TTLL12: variants seen among roughly 807,000 people sequenced by gnomAD.
The protein encoded by TTLL12 is tubulin tyrosine ligase like 12, also known as tubulin--tyrosine ligase-like protein 12.
A neutral mutation model predicts 79.6 loss-of-function variants in TTLL12; 77 were observed. That is an observed-to-expected ratio of 0.97 (90% confidence interval 0.81 to 1.17). The LOEUF is 1.17. TTLL12 is among the 50% of genes most tolerant of loss of function. The probability of loss-of-function intolerance (pLI) is 0.00; values close to 1 mark genes in which losing one functional copy is unlikely to be tolerated. For missense variants in TTLL12, 969 were observed against 895.9 expected (o/e 1.08, Z -1.04); for synonymous variants, 437 against 376.1 (o/e 1.16, Z -1.87).
At chr22:43,179,590 C>G (rs372298286) in intron 5 of TTLL12, 29 bp downstream of exon 5, 203 of 1,533,430 alleles carry the variant, frequency 1.3e-4, no homozygotes, top group Non-Finnish European at 1.7e-4. Flanking sequence ...ACCAAGCAGA[C>G]AGGCCTGGTG....
In TTLL12 at chr22:43,186,939, A is replaced by AC; in HGVS notation, c.130dup (p.Val44GlyfsTer109). The AC allele has an allele frequency of 2.9e-6, 4 of 1,358,044 alleles. No homozygotes were observed. The highest frequency in any genetic ancestry group is 3.8e-6 in the Non-Finnish European group (4 of 1,053,988). 84.1% of individuals were successfully genotyped at this position (1,358,044 alleles called of 1,614,324 possible). On this transcript the variant is annotated frameshift_variant, in exon 1 of 14. Coordinates refer to ENST00000216129, the MANE Select transcript of TTLL12 (RefSeq NM_015140.4). LOFTEE classifies it high-confidence loss of function. ...GAGGCGGCCCCAGTAACGTTCGGGG[A>AC]CCCCCGAAGCGCGCAGCGCCGGGCC...
chr22:43,183,299 C>T (rs913407171), intron 1 of TTLL12, 150 bp from the exon 2 acceptor site: 4 of 954,550 alleles, frequency 4.2e-6, no homozygotes, highest in African/African-American at 1.6e-5. Flanking sequence ...TTAATGCAAC[C>T]ACACAGTCTT....
In TTLL12 at chr22:43,168,775, A is replaced by G. The variant is rs1056245930; in HGVS notation, c.1782T>C (p.Asp594=). The part of the protein sequence containing the change: ...DLMLKWDNGP[D]GRRVMQPQIL... ...CAGGAGATGGGGAGCCCCTCTTACC[A>G]TCTGGGCCGTTGTCCCACTTCAGCA... Residue 594 remains aspartate (D), a splice_region_variant and synonymous_variant, in exon 13 of 14, where the codon GAT becomes GAC. Transcript: ENST00000216129. 1 of 1,556,114 alleles carries G rather than the reference A, an allele frequency of 6.4e-7. No individual in the cohort carries two copies. The highest frequency in any genetic ancestry group is 8.7e-7 in the Non-Finnish European group (1 of 1,150,486).
At chr22:43,181,467 C>T (rs138947) in intron 2 of TTLL12, among the ~76,000 whole-genome samples, 13,656 of 152,302 alleles carry the variant, frequency 0.09, 732 homozygotes, top group Non-Finnish European at 0.12. Flanking sequence ...GCCTCACCCA[C>T]GCAGCCAGGT....
At chr22:43,179,244 G>A (rs1931989917) in intron 5 of TTLL12, among the ~76,000 whole-genome samples, 1 of 152,180 alleles carries the variant, frequency 6.6e-6, no homozygotes, top group South Asian at 2.1e-4. Context: ...GCCTGCAGAG[G>A]GAGGGAGGCA....
At chr22:43,168,968 G>A (rs1181189886) in intron 12 of TTLL12, 56 bp from the exon 13 acceptor site, 4 of 1,542,624 alleles carry the variant, frequency 2.6e-6, no homozygotes, top group African/African-American at 1.4e-5. Context: ...TCTCAAGAGG[G>A]GGTCTGCTGC....
chr22:43,186,472 G>C (rs1458139832), intron 1 of TTLL12, among the ~76,000 whole-genome samples: 2 of 152,206 alleles, frequency 1.3e-5, no homozygotes, highest in African/African-American at 4.8e-5. Context: ...ACCGAATTCT[G>C]TGAACCCAAC....
At position 43,168,847 on chromosome 22, in the gene TTLL12, GC is replaced by G; in HGVS notation, c.1709del (p.Gly570AlafsTer18). 1 of 1,606,560 alleles carries G rather than the reference GC, an allele frequency of 6.2e-7. No individual in the cohort carries two copies. Among genetic ancestry groups the G allele is most frequent in the South Asian group, 1.1e-5 (1 of 89,596 alleles). On this transcript the variant is annotated frameshift_variant, in exon 13 of 14. Transcript: ENST00000216129. LOFTEE classifies it high-confidence loss of function. The stretch of plus-strand genomic sequence containing the variant: ...CCCGGGATGAGGGGTAGTCGCAGAG[GC>G]CCAGGGGTGGTGGCTTGGCACAGGC... ...QVACAKPPPL[G>X]LCDYPSSRAM...
Position 43,172,488 on chromosome 22 carries a change from C to T in TTLL12, c.1408G>A (p.Asp470Asn), listed in dbSNP as rs185610797. ...CGCAGCAGCACGATGTAGCGGATGTCGAACTTGACCTTTCCCACGTCTTCT... is the reference window on the plus strand; with the variant it reads ...CGCAGCAGCACGATGTAGCGGATGTTGAACTTGACCTTTCCCACGTCTTCT... Reference protein sequence around the residue: ...LREDVGKVKFDIRYIVLLRSV... With the variant: ...LREDVGKVKFNIRYIVLLRSV... Residue 470 changes from aspartate (D) to asparagine (N), a missense_variant, in exon 10 of 14, where the codon GAC becomes AAC. Coordinates refer to ENST00000216129, the MANE Select transcript of TTLL12 (RefSeq NM_015140.4). 106 of 1,614,102 alleles carry T rather than the reference C, an allele frequency of 6.6e-5. No individual in the cohort carries two copies. In the Admixed American group the frequency reaches 9.2e-4, roughly 14 times the overall value.
intron 9 of TTLL12, among the ~76,000 whole-genome samples, chr22:43,172,847 G>A (rs970485428): frequency 5.3e-5 from 8 of 151,828 alleles, no homozygotes; most frequent in African/African-American, 1.7e-4. Context: ...ACAGGTGCCC[G>A]CCACCACCCC....
At chr22:43,168,242 C>T in intron 13 of TTLL12, 83 bp from the exon 14 acceptor site, 1 of 1,546,194 alleles carries the variant, frequency 6.5e-7, no homozygotes, top group African/African-American at 1.4e-5. Context: ...CCAGCAAAGG[C>T]TGGGAGGCCA....
intron 11 of TTLL12, 115 bp from the exon 12 acceptor site, chr22:43,169,683 C>T: frequency 3.6e-6 from 4 of 1,116,492 alleles, no homozygotes; most frequent in Non-Finnish European, 5.3e-6. Context: ...GTTCCAGGAG[C>T]AGGCAGCCAA....
In TTLL12 at chr22:43,179,643, G is replaced by A. The variant is rs761671879; in HGVS notation, c.816C>T (p.Pro272=). ...CCTGGTAGTGCTCGGCGGGCGGCTC[G>A]GGTGTGCAAGAGCTGAGGTCCAGCA... ...TDMLDLSSCT[P]EPPAEHYQAI... The change falls in exon 5 of 14, where the codon CCC becomes CCT. Residue 272 remains proline (P), a synonymous_variant. Transcript: ENST00000216129. The A allele has an allele frequency of 4.9e-5, 78 of 1,585,578 alleles. No individual in the cohort carries two copies. The highest frequency in any genetic ancestry group is 1.7e-4 in the Middle Eastern group (1 of 5,928).
At chr22:43,169,953 G>C in intron 11 of TTLL12, 1 of 449,928 alleles carries the variant, frequency 2.2e-6, no homozygotes, top group South Asian at 1.6e-5. Flanking sequence ...GTGCGAAGGA[G>C]GCAGAGCTCA....
intron 1 of TTLL12, among the ~76,000 whole-genome samples, chr22:43,186,196 C>CCA (rs1555982126): frequency 6.9e-6 from 1 of 145,066 alleles, no homozygotes; most frequent in East Asian, 2.0e-4. Flanking sequence ...AACACCCCCC[C>CCA]CCCCGCCAGC....
At chr22:43,184,815 G>A (rs559972285) in intron 1 of TTLL12, among the ~76,000 whole-genome samples, 2 of 152,328 alleles carry the variant, frequency 1.3e-5, no homozygotes, top group Admixed American at 6.5e-5. Flanking sequence ...TGTGAAATGG[G>A]GTGCTGGGTT....
intron 11 of TTLL12, chr22:43,169,833 TA>T: frequency 1.8e-6 from 1 of 561,438 alleles, no homozygotes; most frequent in Non-Finnish European, 3.4e-6. Context: ...CTCTGCCCAG[TA>T]AACTGACTTT....
At chr22:43,179,509 T>G (rs1931997043) in intron 5 of TTLL12, 110 bp downstream of exon 5, 1 of 1,399,528 alleles carries the variant, frequency 7.1e-7, no homozygotes, top group Non-Finnish European at 9.3e-7. Flanking sequence ...CCACGGTAAC[T>G]GGCTCAGGGC....
At chr22:43,172,141 C>A (rs372109304) in intron 10 of TTLL12, among the ~76,000 whole-genome samples, 1 of 152,166 alleles carries the variant, frequency 6.6e-6, no homozygotes, top group African/African-American at 2.4e-5. Context: ...AAAAATGGCA[C>A]CTGGTTCTCA....
Sources: allele counts gnomAD v4.1 joint callset (sites outside exome capture counted in the v4.1 genomes callset), GRCh38; gene constraint gnomAD v4.1.1; transcripts MANE v1.5; gene names NCBI Gene and HGNC (gene_info 2026-07-23, HGNC 2026-07-21).